GPC5: variants seen among roughly 807,000 people sequenced by gnomAD.
GPC5 encodes glypican 5, also known as glypican-5.
GPC5 carries 47 observed loss-of-function variants against 53.9 expected under a neutral mutation model. That is an observed-to-expected ratio of 0.87 (90% CI 0.69 to 1.11). The LOEUF (loss-of-function observed/expected upper bound fraction) is 1.11. Among genes scored for constraint, GPC5 ranks in the 50% most tolerant of loss-of-function variants. The probability of loss-of-function intolerance (pLI) is 0.00; values close to 1 mark genes in which losing one functional copy is unlikely to be tolerated. For missense variants in GPC5, 748 were observed against 713.1 expected (o/e 1.05, Z -0.56); for synonymous variants, 286 against 263.3 (o/e 1.09, Z -0.84).
intron 7 of GPC5, among the ~76,000 whole-genome samples, chr13:92,205,205 A>G (rs973303397): frequency 4.7e-5 from 7 of 149,640 alleles, no homozygotes; most frequent in Admixed American, 4.0e-4. Context: ...TTGTTTGTTT[A>G]TTTGTTTGTT....
intron 2 of GPC5, among the ~76,000 whole-genome samples, chr13:91,628,508 C>G (rs3084144): frequency 0.014 from 1,676 of 123,030 alleles, 12 homozygotes; most frequent in South Asian, 0.023. Flanking sequence ...CTGTCTATCT[C>G]TCTATCTATC....
At chr13:92,681,283 T>C (rs1887102973) in intron 7 of GPC5, among the ~76,000 whole-genome samples, 1 of 152,150 alleles carries the variant, frequency 6.6e-6, no homozygotes, top group African/African-American at 2.4e-5. Context: ...AGTTGTAGTA[T>C]TGTTATTCAA....
At chr13:92,302,269 AAT>A (rs778004776) in intron 7 of GPC5, among the ~76,000 whole-genome samples, 5 of 152,172 alleles carry the variant, frequency 3.3e-5, no homozygotes, top group Non-Finnish European at 7.3e-5. Flanking sequence ...CAGGCAAGAT[AAT>A]ACCCATAGGG....
intron 5 of GPC5, among the ~76,000 whole-genome samples, chr13:91,798,689 A>C (rs1396338947): frequency 6.6e-6 from 1 of 152,170 alleles, no homozygotes; most frequent in Non-Finnish European, 1.5e-5. Context: ...ATATTCCTTT[A>C]CGTATATATC....
intron 2 of GPC5, among the ~76,000 whole-genome samples, chr13:91,480,600 T>C (rs1482006118): frequency 6.6e-6 from 1 of 152,192 alleles, no homozygotes; most frequent in African/African-American, 2.4e-5. Flanking sequence ...TCAAGACATA[T>C]TGCATACAAT....
At chr13:92,810,610 C>T (rs902964823) in intron 7 of GPC5, among the ~76,000 whole-genome samples, 1 of 151,938 alleles carries the variant, frequency 6.6e-6, no homozygotes, top group Non-Finnish European at 1.5e-5. Flanking sequence ...CCCCTCCCTC[C>T]ACCCCCAGTA....
intron 3 of GPC5, among the ~76,000 whole-genome samples, chr13:91,710,853 GA>G (rs79168553): frequency 0.098 from 14,816 of 151,452 alleles, 898 homozygotes; most frequent in East Asian, 0.24. Context: ...ATTCTTTGAA[GA>G]AAAAAAAAGT....
intron 1 of GPC5, among the ~76,000 whole-genome samples, chr13:91,445,302 T>C (rs1026031363): frequency 2.0e-5 from 3 of 152,144 alleles, no homozygotes; most frequent in African/African-American, 7.2e-5. Context: ...ACCAGGACAG[T>C]GTCCTCTTGA....
At chr13:91,918,293 T>C (rs1307797734) in intron 6 of GPC5, among the ~76,000 whole-genome samples, 1 of 152,182 alleles carries the variant, frequency 6.6e-6, no homozygotes, top group Non-Finnish European at 1.5e-5. Flanking sequence ...GTGGGTATTA[T>C]AGAGATTATA....
chr13:92,753,412 G>A (rs1212208810), intron 7 of GPC5, among the ~76,000 whole-genome samples: 4 of 152,178 alleles, frequency 2.6e-5, no homozygotes, highest in Middle Eastern at 3.2e-3. Context: ...AAACTCTAAA[G>A]AGCAGAGCAC....
intron 5 of GPC5, among the ~76,000 whole-genome samples, chr13:91,866,423 G>T (rs2039085823): frequency 6.6e-6 from 1 of 152,118 alleles, no homozygotes; most frequent in Non-Finnish European, 1.5e-5. Flanking sequence ...TCCCAAAGGT[G>T]GATCCCCATG....
chr13:92,565,248 A>G (rs1330250051), intron 7 of GPC5, among the ~76,000 whole-genome samples: 2 of 152,120 alleles, frequency 1.3e-5, no homozygotes, highest in Non-Finnish European at 2.9e-5. Flanking sequence ...AATGGGTTAT[A>G]TATTATTCCA....
chr13:91,759,773 A>T (rs2037371143), intron 5 of GPC5, among the ~76,000 whole-genome samples: 3 of 152,064 alleles, frequency 2.0e-5, no homozygotes, highest in African/African-American at 7.2e-5. Context: ...TTGATTGATT[A>T]TGGTATCATG....
intron 5 of GPC5, among the ~76,000 whole-genome samples, chr13:91,810,522 T>C (rs1315565403): frequency 6.6e-6 from 1 of 151,982 alleles, no homozygotes; most frequent in Non-Finnish European, 1.5e-5. Flanking sequence ...AATTAATCAA[T>C]TTAGTTACTA....
chr13:92,357,106 C>A (rs1157098953), intron 7 of GPC5, among the ~76,000 whole-genome samples: 1 of 151,062 alleles, frequency 6.6e-6, no homozygotes, highest in East Asian at 1.9e-4. Context: ...ATTTCTTTAT[C>A]CAATGTATCA....
intron 7 of GPC5, among the ~76,000 whole-genome samples, chr13:92,604,765 T>A (rs1480503994): frequency 6.6e-6 from 1 of 152,212 alleles, no homozygotes; most frequent in Non-Finnish European, 1.5e-5. Context: ...GCTTACAACA[T>A]AGATGATGTC....
intron 7 of GPC5, among the ~76,000 whole-genome samples, chr13:92,677,895 G>A (rs1278442300): frequency 6.6e-6 from 1 of 152,090 alleles, no homozygotes; most frequent in East Asian, 1.9e-4. Flanking sequence ...GGGTCCCATA[G>A]GGTTGTCATA....
chr13:91,594,997 T>C (rs371322070), intron 2 of GPC5, among the ~76,000 whole-genome samples: 2 of 24,548 alleles, frequency 8.1e-5, no homozygotes, highest in Non-Finnish European at 3.0e-4. Flanking sequence ...TTTATTTATT[T>C]ATTTATTTAT....
At chr13:92,860,262 A>G (rs762288731) in intron 7 of GPC5, among the ~76,000 whole-genome samples, 19 of 152,162 alleles carry the variant, frequency 1.2e-4, no homozygotes, top group Admixed American at 2.0e-4. Context: ...TCTGTTTCAC[A>G]AGGAATAGAA....
Sources: gnomAD v4.1 joint callset for allele counts (sites outside exome capture counted in the v4.1 genomes callset) on GRCh38, gnomAD v4.1.1 for gene constraint, MANE v1.5 for transcripts, NCBI Gene and HGNC (gene_info 2026-07-23, HGNC 2026-07-21) for gene names.